PTPRD: variants seen among roughly 807,000 people sequenced by gnomAD.
PTPRD encodes receptor-type tyrosine-protein phosphatase delta.
PTPRD carries 34 observed loss-of-function variants against 214.5 expected under a neutral mutation model. The observed-to-expected ratio is 0.16, with a 90% CI of 0.12 to 0.21. The LOEUF (loss-of-function observed/expected upper bound fraction) is 0.21, where lower values mean the gene tolerates loss of function less well. Among genes scored for constraint, PTPRD ranks in the 10% least tolerant of loss-of-function variants. The pLI is 1.00. For missense variants in PTPRD, 2,545 were observed against 2,398.7 expected (o/e 1.06, Z -1.27); for synonymous variants, 1,128 against 845.7 (o/e 1.33, Z -5.79).
intron 9 of PTPRD, among the ~76,000 whole-genome samples, chr9:9,320,419 T>A (rs1237730651): frequency 6.6e-6 from 1 of 152,138 alleles, no homozygotes; most frequent in Admixed American, 6.6e-5. Flanking sequence ...AAAATCCTCA[T>A]TTTAGAAATA....
intron 5 of PTPRD, among the ~76,000 whole-genome samples, chr9:9,881,015 G>A (rs7865655): frequency 0.03 from 4,613 of 152,108 alleles, 199 homozygotes; most frequent in African/African-American, 0.1. Context: ...TGGAAACCCT[G>A]CATTGAAAAA....
chr9:9,592,871 C>A (rs560001605), intron 7 of PTPRD, among the ~76,000 whole-genome samples: 10 of 152,058 alleles, frequency 6.6e-5, no homozygotes, highest in African/African-American at 2.4e-4. Context: ...ATGGTGAAAC[C>A]TTGTCTCTAC....
chr9:9,380,652 T>C (rs1386290168), intron 9 of PTPRD, among the ~76,000 whole-genome samples: 1 of 152,180 alleles, frequency 6.6e-6, no homozygotes, highest in Admixed American at 6.5e-5. Context: ...AAGAATTTTT[T>C]TTGCCATTGT....
chr9:8,737,713 C>A (rs1478370981), intron 11 of PTPRD, among the ~76,000 whole-genome samples: 1 of 152,170 alleles, frequency 6.6e-6, no homozygotes, highest in Non-Finnish European at 1.5e-5. Flanking sequence ...TGCAGTGGCA[C>A]AATCTCAGCT....
intron 10 of PTPRD, among the ~76,000 whole-genome samples, chr9:9,089,483 T>C (rs2099772348): frequency 6.6e-6 from 1 of 152,158 alleles, no homozygotes; most frequent in South Asian, 2.1e-4. Context: ...CTGACCAAAG[T>C]TTTTCATTCA....
At chr9:9,315,833 CTTTT>C (rs566821610) in intron 9 of PTPRD, among the ~76,000 whole-genome samples, 2 of 93,314 alleles carry the variant, frequency 2.1e-5, no homozygotes, top group African/African-American at 4.0e-5. Context: ...TAGCAGACAA[CTTTT>C]TTTTTTTTTT....
intron 12 of PTPRD, 106 bp from the exon 13 acceptor site, chr9:8,636,950 C>T: frequency 8.7e-7 from 1 of 1,154,034 alleles, no homozygotes; most frequent in Non-Finnish European, 1.2e-6. Flanking sequence ...GCCATCAAGA[C>T]ATACATTTTT....
intron 8 of PTPRD, among the ~76,000 whole-genome samples, chr9:9,490,028 T>C (rs2095833727): frequency 1.3e-5 from 2 of 152,092 alleles, no homozygotes; most frequent in Non-Finnish European, 2.9e-5. Context: ...ACTTGCCACA[T>C]ATAAGAGATC....
chr9:9,541,106 C>A (rs916798256), intron 8 of PTPRD, among the ~76,000 whole-genome samples: 1 of 151,708 alleles, frequency 6.6e-6, no homozygotes, highest in Non-Finnish European at 1.5e-5. Flanking sequence ...ACACGGTAGA[C>A]CTCAAGAAAT....
intron 5 of PTPRD, among the ~76,000 whole-genome samples, chr9:9,850,375 G>C (rs776449778): frequency 6.6e-6 from 1 of 152,054 alleles, no homozygotes; most frequent in African/African-American, 2.4e-5. Context: ...ATTATTAGTA[G>C]TATTGCTATT....
rs141310139 is a variant in PTPRD at position 10,460,668 on chromosome 9, T to G, written c.-599-119651A>C. ...TTTGCTGGATTTACATATCTGGATT[T>G]ACAAACCTGGATTGACATATCCGAG... On this transcript the variant is annotated intron_variant, in intron 2 of 45. Transcript: ENST00000381196. 3.3e-5 allele frequency among the ~76,000 whole-genome samples: 5 copies of G among 152,242 alleles called. No homozygotes were observed. The East Asian group carries it at 5.8e-4, about 18-fold the overall frequency.
chr9:10,514,512 G>C (rs1245761494), intron 2 of PTPRD, among the ~76,000 whole-genome samples: 2 of 151,170 alleles, frequency 1.3e-5, no homozygotes, highest in Non-Finnish European at 3.0e-5. Flanking sequence ...TTTCTCTTAG[G>C]CAATGAATAT....
intron 14 of PTPRD, among the ~76,000 whole-genome samples, chr9:8,631,113 T>A (rs1408667892): frequency 6.6e-6 from 1 of 151,874 alleles, no homozygotes; most frequent in Non-Finnish European, 1.5e-5. Flanking sequence ...AATGACAATT[T>A]TCAGACAAGC....
At chr9:10,044,995 ACTCTC>A (rs911421640) in intron 3 of PTPRD, among the ~76,000 whole-genome samples, 124 of 151,780 alleles carry the variant, frequency 8.2e-4, no homozygotes, top group African/African-American at 2.7e-3. Context: ...TATAGAGGCT[ACTCTC>A]TATGCTGTTC....
chr9:9,681,255 C>T (rs555747208), intron 7 of PTPRD, among the ~76,000 whole-genome samples: 10 of 151,724 alleles, frequency 6.6e-5, no homozygotes, highest in South Asian at 2.1e-4. Flanking sequence ...GTGTAGGGTG[C>T]GGAGCCCTGT....
intron 3 of PTPRD, among the ~76,000 whole-genome samples, chr9:10,249,073 T>C (rs996607746): frequency 7.2e-5 from 11 of 152,238 alleles, no homozygotes; most frequent in Admixed American, 3.3e-4. Context: ...GCAGATCTTA[T>C]ATATCTTAAG....
intron 3 of PTPRD, among the ~76,000 whole-genome samples, chr9:10,298,753 A>G (rs2095768107): frequency 6.6e-6 from 1 of 152,038 alleles, no homozygotes; most frequent in African/African-American, 2.4e-5. Flanking sequence ...TATCTAACAA[A>G]TATAATAATA....
chr9:8,664,655 C>T (rs2097135112), intron 12 of PTPRD, among the ~76,000 whole-genome samples: 3 of 152,302 alleles, frequency 2.0e-5, no homozygotes, highest in South Asian at 2.1e-4. Context: ...GGTATATAAT[C>T]CTCTTAAATG....
In PTPRD at chr9:9,555,305, G is replaced by A. The variant is rs187631620; in HGVS notation, c.-237+19427C>T. 5.1e-4 allele frequency among the ~76,000 whole-genome samples: 78 copies of A among 152,018 alleles called. No individual in the cohort carries two copies. The East Asian group carries it at 0.015, about 29-fold the overall frequency. Reference sequence around the variant, plus strand: ...TTTCATTGTTTACCTATATAAACCTGAATGTTCCCCCCATAATTATTGACC... The same window carrying A: ...TTTCATTGTTTACCTATATAAACCTAAATGTTCCCCCCATAATTATTGACC... On this transcript the variant is annotated intron_variant, in intron 8 of 45. Coordinates refer to ENST00000381196, the MANE Select transcript of PTPRD (RefSeq NM_002839.4).
Sources: gnomAD v4.1 joint callset for allele counts (sites outside exome capture counted in the v4.1 genomes callset) on GRCh38, gnomAD v4.1.1 for gene constraint, MANE v1.5 for transcripts, NCBI Gene and HGNC (gene_info 2026-07-23, HGNC 2026-07-21) for gene names.